TENM3: variants seen among roughly 807,000 people sequenced by gnomAD.
The protein encoded by TENM3 is teneurin transmembrane protein 3.
A neutral mutation model predicts 255.1 loss-of-function variants in TENM3; 63 were observed. That is an observed-to-expected ratio of 0.25 (90% CI 0.20 to 0.30). The LOEUF (loss-of-function observed/expected upper bound fraction) is 0.30, where lower values mean the gene tolerates loss of function less well. TENM3 is among the 10% of genes least tolerant of loss of function. TENM3 has a pLI of 1.00. For synonymous variants in TENM3, 1,306 were observed against 1,322.3 expected (o/e 0.99, Z 0.27); for missense variants, 2,929 against 3,461.1 (o/e 0.85, Z 3.86).
chr4:181,456,315 G>T, the TENM3 span, among the ~76,000 whole-genome samples: 4 of 151,596 alleles, frequency 2.6e-5, no homozygotes, highest in African/African-American at 9.7e-5. Flanking sequence ...TTTATCCTTC[G>T]ATTGTCTAGA....
At chr4:182,515,853 C>T (rs1160362034) in intron 3 of TENM3, among the ~76,000 whole-genome samples, 1 of 152,166 alleles carries the variant, frequency 6.6e-6, no homozygotes, top group Non-Finnish European at 1.5e-5. Flanking sequence ...ATAGAATCTG[C>T]TACATAAACT....
chr4:182,465,329 A>G lies in TENM3; in HGVS notation c.511+118400A>G, dbSNP rs564524324. 3.3e-5 allele frequency among the ~76,000 whole-genome samples: 5 copies of G among 152,256 alleles called. No individual in the cohort carries two copies. The South Asian group carries it at 8.3e-4, about 25-fold the overall frequency. On this transcript the variant is annotated intron_variant, in intron 3 of 27. Coordinates refer to ENST00000511685, the MANE Select transcript of TENM3 (RefSeq NM_001080477.4). ...AACCTTGGGAGGTGATTAGGTCCCG[A>G]GGACTTCAGGAAGGGGACTGGTCCA...
the TENM3 span, among the ~76,000 whole-genome samples, chr4:181,729,989 G>A: frequency 6.6e-6 from 1 of 152,192 alleles, no homozygotes; most frequent in Non-Finnish European, 1.5e-5. Context: ...GGGGATATCA[G>A]TTTGCAAGCC....
At chr4:182,317,577 G>C (rs1299320378) in intron 1 of TENM3, among the ~76,000 whole-genome samples, 2 of 152,060 alleles carry the variant, frequency 1.3e-5, no homozygotes, top group South Asian at 4.1e-4. Context: ...CAAAGTGCTG[G>C]AATTGCAGGT....
intron 6 of TENM3, among the ~76,000 whole-genome samples, chr4:182,668,381 T>C (rs1393407783): frequency 6.6e-6 from 1 of 152,186 alleles, no homozygotes; most frequent in Non-Finnish European, 1.5e-5. Flanking sequence ...CCCCGTTCCT[T>C]ATTGAAAAGT....
intron 25 of TENM3, among the ~76,000 whole-genome samples, chr4:182,790,240 G>A (rs1021318287): frequency 1.3e-5 from 2 of 151,902 alleles, no homozygotes; most frequent in Non-Finnish European, 2.9e-5. Context: ...CCAGAGCATG[G>A]CACCACCAGT....
intron 3 of TENM3, among the ~76,000 whole-genome samples, chr4:182,500,407 C>T (rs1736198265): frequency 6.6e-6 from 1 of 152,018 alleles, no homozygotes; most frequent in Non-Finnish European, 1.5e-5. Flanking sequence ...AAATGGTCAG[C>T]ATTATTAATG....
chr4:182,308,618 G>A (rs1762267673), intron 1 of TENM3, among the ~76,000 whole-genome samples: 1 of 152,164 alleles, frequency 6.6e-6, no homozygotes, highest in Admixed American at 6.5e-5. Flanking sequence ...GTGATTACAG[G>A]TGTGAGCCGC....
chr4:181,603,652 C>T, the TENM3 span, among the ~76,000 whole-genome samples: 1 of 152,160 alleles, frequency 6.6e-6, no homozygotes, highest in Admixed American at 6.5e-5. Context: ...TTCTTCACAT[C>T]CAACAAGCAC....
the TENM3 span, among the ~76,000 whole-genome samples, chr4:181,892,244 T>C: frequency 6.6e-6 from 1 of 152,206 alleles, no homozygotes; most frequent in African/African-American, 2.4e-5. Context: ...ATTGCATCTC[T>C]CTCCCATCCC....
chr4:181,550,390 C>G, the TENM3 span, among the ~76,000 whole-genome samples: 1 of 152,224 alleles, frequency 6.6e-6, no homozygotes, highest in Non-Finnish European at 1.5e-5. Context: ...TGGAAATCAA[C>G]TTCTAGCATC....
chr4:182,628,157 G>T (rs1042349186), intron 4 of TENM3, among the ~76,000 whole-genome samples: 4 of 152,096 alleles, frequency 2.6e-5, no homozygotes, highest in Non-Finnish European at 5.9e-5. Context: ...TGTTTCCATG[G>T]ACATCCAGAA....
rs1010684952 is a variant in TENM3, at chr4:182,719,154, A to T, written c.2368+4921A>T. On this transcript the variant is annotated intron_variant, in intron 13 of 27. Coordinates refer to ENST00000511685, the MANE Select transcript of TENM3 (RefSeq NM_001080477.4). ...GAGGGCACAAGAATGACTTTAAAAG[A>T]TACATACTAAACTTTGTGCAAGAAT... Among the ~76,000 whole-genome samples the T allele has an allele frequency of 2.6e-5, 4 of 151,980 alleles. No homozygotes were observed. In the East Asian group the frequency reaches 7.7e-4, roughly 29 times the overall value.
At chr4:182,424,518 T>TA (rs1021020602) in intron 3 of TENM3, among the ~76,000 whole-genome samples, 4 of 151,850 alleles carry the variant, frequency 2.6e-5, no homozygotes, top group East Asian at 1.9e-4. Context: ...CCTATTTTTT[T>TA]AAAAAAAATG....
chr4:182,161,391 G>C lies in TENM3; in HGVS notation c.-76+16637G>C, dbSNP rs1271223368. ...AGATCGCGCCACTGCACTCCAGCCT[G>C]GGCGACAGAGCGAGACTCCGTCTCA... On this transcript the variant is annotated intron_variant, in intron 1 of 2. Coordinates refer to the TENM3 transcript ENST00000512480. Among the ~76,000 whole-genome samples the C allele has an allele frequency of 6.6e-5, 7 of 105,384 alleles. 1 individual carries two copies. Among genetic ancestry groups the C allele is most frequent in the African/African-American group, 2.6e-4 (7 of 27,376 alleles). The allele number at this position is 105,384 out of a possible 152,430, so 69.1% of individuals were successfully genotyped here. A position where few individuals can be genotyped will look rare whatever the true frequency, so the allele number is the denominator to read the frequency against.
chr4:181,571,715 T>G, the TENM3 span, among the ~76,000 whole-genome samples: 1 of 152,208 alleles, frequency 6.6e-6, no homozygotes, highest in South Asian at 2.1e-4. Context: ...TTCTATATTT[T>G]TGAATAATAA....
At chr4:182,561,485 G>C (rs750351040) in intron 3 of TENM3, among the ~76,000 whole-genome samples, 1 of 151,142 alleles carries the variant, frequency 6.6e-6, no homozygotes, top group Non-Finnish European at 1.5e-5. Flanking sequence ...TTTTCCCTGG[G>C]TAATGGATTA....
At chr4:181,730,485 G>C in the TENM3 span, among the ~76,000 whole-genome samples, 1 of 152,148 alleles carries the variant, frequency 6.6e-6, no homozygotes, top group South Asian at 2.1e-4. Flanking sequence ...CTTTGTTCCC[G>C]TAACTTTGGG....
chr4:182,487,100 C>T (rs533702354), intron 3 of TENM3, among the ~76,000 whole-genome samples: 1 of 152,248 alleles, frequency 6.6e-6, no homozygotes, highest in South Asian at 2.1e-4. Context: ...CTTTAACCCG[C>T]TAATTCTTGC....
Sources: allele counts gnomAD v4.1 joint callset (sites outside exome capture counted in the v4.1 genomes callset), GRCh38; gene constraint gnomAD v4.1.1; transcripts MANE v1.5; gene names NCBI Gene and HGNC (gene_info 2026-07-23, HGNC 2026-07-21).